The following INTS13 variants were observed in gnomAD, a reference collection of about 807,000 sequenced individuals.
The protein encoded by INTS13 is integrator complex subunit 13, also known as asunder, spermatogenesis regulator homolog (Drosphila).
A neutral mutation model predicts 90.2 loss-of-function variants in INTS13; 35 were observed. The ratio of observed to expected loss-of-function variants is 0.39; its 90% confidence interval spans 0.30 to 0.51. The LOEUF (loss-of-function observed/expected upper bound fraction) is 0.51, where lower values mean the gene tolerates loss of function less well. INTS13 is among the 20% of genes least tolerant of loss of function. INTS13 has a pLI of 0.80. For synonymous variants in INTS13, 309 were observed against 277.1 expected, an observed-to-expected ratio of 1.11 and a Z score of -1.14; for missense variants, 601 against 851.2, an observed-to-expected ratio of 0.71 and a Z score of 3.66.
intron 2 of INTS13, among the ~76,000 whole-genome samples, chr12:26,935,356 T>C (rs1045481646): frequency 6.6e-6 from 1 of 152,222 alleles, no homozygotes; most frequent in African/African-American, 2.4e-5. Flanking sequence ...GAGGGTTAGA[T>C]TTCTTTCTTT....
chr12:26,935,488 G>C (rs563664694), intron 2 of INTS13, among the ~76,000 whole-genome samples: 2 of 152,218 alleles, frequency 1.3e-5, no homozygotes, highest in Admixed American at 6.5e-5. Flanking sequence ...ATCTGACAGG[G>C]ATATATTTTA....
At chr12:26,914,762 A>G (rs1306598753) in intron 11 of INTS13, among the ~76,000 whole-genome samples, 184 bp from the exon 12 acceptor site, 1 of 152,174 alleles carries the variant, frequency 6.6e-6, no homozygotes, top group Non-Finnish European at 1.5e-5. Flanking sequence ...ATCAGCCTTT[A>G]TATGATGAAA....
chr12:26,936,461 TACC>T (rs1195687075), intron 2 of INTS13, 115 bp downstream of exon 2: 15 of 725,028 alleles, frequency 2.1e-5, no homozygotes, highest in African/African-American at 8.9e-5. Context: ...CAGCGTTATG[TACC>T]ACATTTTTAA....
chr12:26,924,442 T>C lies in INTS13; in HGVS notation c.717A>G (p.Ala239=), dbSNP rs377542413. 5.0e-6 allele frequency: 8 copies of C among 1,612,850 alleles called. No individual in the cohort carries two copies. The highest frequency in any genetic ancestry group is 2.7e-5 in the African/African-American group (2 of 74,894). ...TCAATTTGGTAGCAAGATGCCGTCC[T>C]GCACGAACACTATGAACTTCACTGG... The part of the protein sequence containing the change: ...VLTSEVHSVR[A]GRHLATKLNI... Residue 239 remains alanine (A), a synonymous_variant, in exon 7 of 17, where the codon GCA becomes GCG. Transcript: ENST00000261191.
Position 26,913,629 on chromosome 12 carries a change from T to C in INTS13, c.1633A>G (p.Asn545Asp). The C allele has an allele frequency of 6.2e-7, 1 of 1,614,170 alleles. No homozygotes were observed. Among genetic ancestry groups the C allele is most frequent in the Non-Finnish European group, 8.5e-7 (1 of 1,180,032 alleles). The change falls in exon 14 of 17, where the codon AAC (asparagine) becomes GAC (aspartate). Residue 545 changes from asparagine to aspartate, a missense_variant. This residue lies in a region of INTS13 where 228 missense variants were observed against 272.5 expected (regional missense o/e 0.84). Transcript: ENST00000261191. ...ELETLVRAHI[N>D]NSEKHQRVLE... is the part of the protein sequence containing the mutation. ...ACTCTTTGATGTTTCTCTGAGTTGT[T>C]GATATGGGCTCTGACAAGGGTTTCT...
At chr12:26,934,691 T>G in intron 2 of INTS13, 61 bp from the exon 3 acceptor site, 4 of 1,195,446 alleles carry the variant, frequency 3.3e-6, no homozygotes, top group Non-Finnish European at 5.0e-6. Flanking sequence ...CACCAACATA[T>G]TTTCAAGTAA....
intron 5 of INTS13, among the ~76,000 whole-genome samples, chr12:26,927,868 G>A (rs965644588): frequency 1.3e-5 from 2 of 151,910 alleles, no homozygotes; most frequent in Admixed American, 6.6e-5. Flanking sequence ...TCTCCACTTC[G>A]GCCCCGCAAA....
At chr12:26,936,449 G>A (rs1938463384) in intron 2 of INTS13, 130 bp downstream of exon 2, 2 of 656,726 alleles carry the variant, frequency 3.0e-6, no homozygotes, top group South Asian at 2.0e-5. Flanking sequence ...AATCCCAAAG[G>A]GCAGCGTTAT....
chr12:26,929,456 C>T (rs1312135563), intron 3 of INTS13, among the ~76,000 whole-genome samples: 1 of 151,910 alleles, frequency 6.6e-6, no homozygotes, highest in East Asian at 1.9e-4. Flanking sequence ...CCCAGCGGCT[C>T]ATGCCTGTAA....
chr12:26,935,816 A>C (rs1284520255), intron 2 of INTS13, among the ~76,000 whole-genome samples: 1 of 152,202 alleles, frequency 6.6e-6, no homozygotes, highest in Admixed American at 6.5e-5. Context: ...CCTCAGTCTA[A>C]GAATTGGCTA....
intron 15 of INTS13, 24 bp downstream of exon 15, chr12:26,911,154 C>G (rs1457318358): frequency 1.3e-6 from 2 of 1,591,046 alleles, no homozygotes; most frequent in African/African-American, 1.4e-5. Flanking sequence ...TTTTATAAAC[C>G]TAGTTACCAC....
chr12:26,913,896 T>C (rs976464535), intron 13 of INTS13, 78 bp downstream of exon 13: 7 of 1,347,896 alleles, frequency 5.2e-6, no homozygotes, highest in East Asian at 4.8e-5. Flanking sequence ...AGAATTTACA[T>C]ATGGAATAAG....
chr12:26,906,380 T>C lies in INTS13; in HGVS notation c.2003A>G (p.Lys668Arg), dbSNP rs1397075494. ...CAAACGTCCAGCAAATTCCTGATGTTTTCTGGAATTGGCAGTATTGATTCT... is the reference window on the plus strand; with the variant it reads ...CAAACGTCCAGCAAATTCCTGATGTCTTCTGGAATTGGCAGTATTGATTCT... The part of the protein sequence containing the change: ...SNRINTANSR[K>R]HQEFAGRLNS... The change falls in exon 16 of 17, where the codon AAA becomes AGA. Residue 668 changes from lysine to arginine, a missense_variant. Physicochemically the swap from Lys to Arg is conservative, Grantham distance 26. Transcript: ENST00000261191. 1.9e-6 allele frequency: 3 copies of C among 1,612,430 alleles called. No individual in the cohort carries two copies. The highest frequency in any genetic ancestry group is 2.5e-6 in the Non-Finnish European group (3 of 1,178,878).
rs114059265 is a variant in INTS13, at chr12:26,927,028, T to C, written c.584+1177A>G. Among the ~76,000 whole-genome samples the C allele has an allele frequency of 6.2e-4, 94 of 152,320 alleles. 1 individual carries two copies. The highest frequency in any genetic ancestry group is 2.1e-3 in the African/African-American group (88 of 41,580). On this transcript the variant is annotated intron_variant, in intron 5 of 16. Transcript: ENST00000261191. ...GAGAGCTTCTAGGTTGGTAAACACA[T>C]CCATGTGCTGGGAGGGTGGTACACC...
In INTS13 at chr12:26,934,546, C is replaced by A. The variant is rs1313067708; in HGVS notation, c.300+10G>T. 1 of 1,593,348 alleles carries A rather than the reference C, an allele frequency of 6.3e-7. No individual in the cohort carries two copies. Among genetic ancestry groups the A allele is most frequent in the Admixed American group, 1.7e-5 (1 of 59,776 alleles). ...TTTACAAATGGCCACAGCTCAAAAT[C>A]TAACCATACCTCCTGTAAATTTTGG... On this transcript the variant is annotated intron_variant, in intron 3 of 16. Coordinates refer to ENST00000261191, the MANE Select transcript of INTS13 (RefSeq NM_018164.3).
At chr12:26,921,065 T>A (rs1268226799) in intron 8 of INTS13, among the ~76,000 whole-genome samples, 5 of 152,256 alleles carry the variant, frequency 3.3e-5, no homozygotes, top group Non-Finnish European at 7.3e-5. Context: ...CATTGTATTT[T>A]AGAATTGAAT....
intron 3 of INTS13, among the ~76,000 whole-genome samples, chr12:26,932,762 A>G (rs17485462): frequency 0.14 from 20,787 of 149,672 alleles, 1,583 homozygotes; most frequent in Admixed American, 0.24. Flanking sequence ...TACAGATAAA[A>G]GAGTAGAAGA....
rs947806210 is a variant in INTS13 at position 26,924,420 on chromosome 12, A to C, written c.739T>G (p.Leu247Val). ...VRAGRHLATK[L>V]NILVQQHFDL... is the part of the protein sequence containing the mutation. ...AAATGTTGCTGTACTAAAATATTCA[A>C]TTTGGTAGCAAGATGCCGTCCTGCA... Residue 247 changes from leucine (L) to valine (V), a missense_variant, in exon 7 of 17, where the codon TTG becomes GTG. Physicochemically the swap from Leu to Val is conservative, Grantham distance 32. Around this residue, in one of 3 missense-constraint regions of INTS13, gnomAD observed 284 missense variants for 387.7 expected, o/e 0.73. Transcript: ENST00000261191. 1.2e-6 allele frequency: 2 copies of C among 1,613,440 alleles called. No individual in the cohort carries two copies. Among genetic ancestry groups the C allele is most frequent in the African/African-American group, 2.7e-5 (2 of 74,908 alleles).
rs761645824 is a variant in INTS13 at position 26,917,773 on chromosome 12, GTATCA to G, written c.890-45_890-41del. On this transcript the variant is annotated intron_variant, in intron 8 of 16. Coordinates refer to ENST00000261191, the MANE Select transcript of INTS13 (RefSeq NM_018164.3). ...CAGAGACATTACACATTGTATACAT[GTATCA>G]AAACATCACACTGTATCCCATAAAT... 48 of 1,203,032 alleles carry G rather than the reference GTATCA, an allele frequency of 4.0e-5. 1 individual carries two copies. The South Asian group carries it at 5.7e-4, about 14-fold the overall frequency. The allele number at this position is 1,203,032 out of a possible 1,614,324, so 74.5% of individuals were successfully genotyped here. A position where few individuals can be genotyped will look rare whatever the true frequency, so the allele number is the denominator to read the frequency against.
Sources: allele counts gnomAD v4.1 joint callset (sites outside exome capture counted in the v4.1 genomes callset), GRCh38; gene constraint gnomAD v4.1.1; regional missense constraint gnomAD v4.1.1; transcripts MANE v1.5; gene names NCBI Gene and HGNC (gene_info 2026-07-23, HGNC 2026-07-21).